Variants in DNAJB4 observed in about 807,000 individuals in gnomAD.
DNAJB4 encodes dnaJ homolog subfamily B member 4.
A neutral mutation model predicts 26.6 loss-of-function variants in DNAJB4; 10 were observed. The ratio of observed to expected loss-of-function variants is 0.38; its 90% CI spans 0.23 to 0.64. The LOEUF (loss-of-function observed/expected upper bound fraction) is 0.64. Among genes scored for constraint, DNAJB4 ranks in the 30% least tolerant of loss-of-function variants. The probability of loss-of-function intolerance (pLI) is 0.58; values close to 1 mark genes in which losing one functional copy is unlikely to be tolerated. For missense variants in DNAJB4, 328 were observed against 408.2 expected (o/e 0.80, Z 1.69); for synonymous variants, 136 against 134.8 (o/e 1.01, Z -0.06).
intron 1 of DNAJB4, among the ~76,000 whole-genome samples, chr1:77,980,871 AT>A (rs1177002778): frequency 6.6e-6 from 1 of 152,148 alleles, no homozygotes; most frequent in African/African-American, 2.4e-5. Context: ...ATCCCTATAA[AT>A]TTTGGTGGAA....
Position 78,016,559 on chromosome 1 carries a change from A to G in DNAJB4, c.*312A>G, listed in dbSNP as rs528446908. 4.0e-6 allele frequency: 1 copy of G among 250,126 alleles called. No homozygotes were observed. Among genetic ancestry groups the G allele is most frequent in the East Asian group, 9.3e-5 (1 of 10,806 alleles). 15.5% of individuals were successfully genotyped at this position (250,126 alleles called of 1,614,324 possible). On this transcript the variant is annotated 3_prime_UTR_variant, in exon 3 of 3. Transcript: ENST00000370763. The stretch of plus-strand genomic sequence containing the variant: ...TTCTAATGAAGTGCTAGACTATCCA[A>G]TTACTTAATTTCTTATACCTTTAGA...
intron 2 of DNAJB4, among the ~76,000 whole-genome samples, chr1:78,014,069 A>G (rs1660568543): frequency 6.6e-6 from 1 of 151,998 alleles, no homozygotes; most frequent in African/African-American, 2.4e-5. Flanking sequence ...ATACATTTAT[A>G]AATTATAATG....
At chr1:77,984,061 A>G (rs2102585659) in intron 1 of DNAJB4, among the ~76,000 whole-genome samples, 1 of 152,332 alleles carries the variant, frequency 6.6e-6, no homozygotes, top group South Asian at 2.1e-4. Flanking sequence ...GTGTTCCTAC[A>G]TAAGCAAACT....
chr1:78,006,527 T>G (rs941350150), intron 1 of DNAJB4, among the ~76,000 whole-genome samples: 1 of 152,228 alleles, frequency 6.6e-6, no homozygotes, highest in Non-Finnish European at 1.5e-5. Flanking sequence ...TTATTTTGAA[T>G]GAAACAAATT....
intron 1 of DNAJB4, among the ~76,000 whole-genome samples, chr1:77,983,693 G>A (rs1659724582): frequency 6.6e-6 from 1 of 152,196 alleles, no homozygotes; most frequent in African/African-American, 2.4e-5. Context: ...GTTTCAGAGA[G>A]CACAGGGTTG....
In DNAJB4 at chr1:78,005,220, A is replaced by G; in HGVS notation, c.110A>G (p.Lys37Arg). The G allele has an allele frequency of 1.9e-6, 3 of 1,614,098 alleles. No individual in the cohort carries two copies. Among genetic ancestry groups the G allele is most frequent in the Non-Finnish European group, 2.5e-6 (3 of 1,179,952 alleles). ...CTCAAATTTCATCCGGACAAGAACAAATCTCCTCAGGCAGAGGAAAAATTT... is the reference window on the plus strand; with the variant it reads ...CTCAAATTTCATCCGGACAAGAACAGATCTCCTCAGGCAGAGGAAAAATTT... ...QALKFHPDKN[K>R]SPQAEEKFKE... The change falls in exon 1 of 3, where the codon AAA (lysine) becomes AGA (arginine). Residue 37 changes from lysine (K) to arginine (R), a missense_variant. By Grantham distance (26) the Lys-to-Arg change is conservative. Coordinates refer to ENST00000370763, the MANE Select transcript of DNAJB4 (RefSeq NM_007034.5).
chr1:78,003,765 C>A (rs1660248803), upstream of DNAJB4, among the ~76,000 whole-genome samples: 1 of 151,992 alleles, frequency 6.6e-6, no homozygotes, highest in African/African-American at 2.4e-5. Context: ...GTTATACTTT[C>A]AAAAGCAGGC....
intron 1 of DNAJB4, among the ~76,000 whole-genome samples, chr1:77,993,199 G>T (rs960597505): frequency 2.0e-5 from 3 of 152,148 alleles, no homozygotes; most frequent in African/African-American, 7.2e-5. Flanking sequence ...ACTATTTTAG[G>T]CCTTGTGGGC....
At chr1:77,990,892 T>C (rs1659915833) in intron 1 of DNAJB4, among the ~76,000 whole-genome samples, 1 of 152,222 alleles carries the variant, frequency 6.6e-6, no homozygotes, top group African/African-American at 2.4e-5. Flanking sequence ...AAAAGTTTAT[T>C]GAACAGCAAT....
chr1:77,996,292 T>G (rs1660059552), intron 1 of DNAJB4, among the ~76,000 whole-genome samples: 1 of 152,144 alleles, frequency 6.6e-6, no homozygotes, highest in South Asian at 2.1e-4. Flanking sequence ...TAGCTGGGAC[T>G]ACAGGCACAT....
chr1:78,002,078 A>G (rs981306740), upstream of DNAJB4, among the ~76,000 whole-genome samples: 1 of 152,230 alleles, frequency 6.6e-6, no homozygotes, highest in South Asian at 2.1e-4. Flanking sequence ...TTTATGTGAT[A>G]TCTAAATATT....
At chr1:78,009,364 G>C (rs1039781335) in intron 1 of DNAJB4, among the ~76,000 whole-genome samples, 5 of 152,112 alleles carry the variant, frequency 3.3e-5, no homozygotes, top group Non-Finnish European at 2.9e-5. Context: ...TAATTAGTGG[G>C]AATCATTGTT....
At chr1:77,987,918 A>G (rs1464504147) in intron 1 of DNAJB4, among the ~76,000 whole-genome samples, 2 of 148,142 alleles carry the variant, frequency 1.4e-5, no homozygotes, top group African/African-American at 4.9e-5. Context: ...TATATTTTAT[A>G]TATGTACATA....
At chr1:77,999,430 G>GT (rs35421680) in intron 1 of DNAJB4, among the ~76,000 whole-genome samples, 36,390 of 145,060 alleles carry the variant, frequency 0.25, 5,531 homozygotes, top group Non-Finnish European at 0.36. Flanking sequence ...CATAGAACAG[G>GT]TTTTTTTTTT....
At chr1:77,998,770 C>A (rs1049403448) in intron 1 of DNAJB4, among the ~76,000 whole-genome samples, 10 of 151,778 alleles carry the variant, frequency 6.6e-5, no homozygotes, top group African/African-American at 2.4e-4. Context: ...CTCAGGAGGT[C>A]GAGGCTGCAG....
Position 78,016,343 on chromosome 1 carries a change from T to C in DNAJB4, c.*96T>C. 1.9e-6 allele frequency: 2 copies of C among 1,068,922 alleles called. No individual in the cohort carries two copies. Among genetic ancestry groups the C allele is most frequent in the South Asian group, 3.3e-5 (2 of 61,058 alleles). 66.2% of individuals were successfully genotyped at this position (1,068,922 alleles called of 1,614,324 possible). On this transcript the variant is annotated 3_prime_UTR_variant, in exon 3 of 3. Coordinates refer to ENST00000370763, the MANE Select transcript of DNAJB4 (RefSeq NM_007034.5). ...TAGATGTGAATTCTGTATAAAGATG[T>C]GTAAATTCTTTTGAGGGTTCATTAA...
chr1:77,979,878 GTT>G (rs111247352), upstream of DNAJB4, among the ~76,000 whole-genome samples: 2 of 149,552 alleles, frequency 1.3e-5, no homozygotes, highest in African/African-American at 5.0e-5. Flanking sequence ...TTTATTAAGG[GTT>G]TTTTTTTGTT....
intron 1 of DNAJB4, among the ~76,000 whole-genome samples, chr1:77,997,972 G>T (rs962620612): frequency 6.6e-6 from 1 of 152,004 alleles, no homozygotes; most frequent in Non-Finnish European, 1.5e-5. Flanking sequence ...TTTTCACGGG[G>T]TTTTACCGTG....
intron 1 of DNAJB4, among the ~76,000 whole-genome samples, chr1:77,980,628 C>A (rs1431827281): frequency 7.9e-5 from 12 of 151,852 alleles, no homozygotes; most frequent in Admixed American, 7.9e-4. Flanking sequence ...TTTTGTCTTA[C>A]TTGGTTAGGT....
Sources: allele counts gnomAD v4.1 joint callset (sites outside exome capture counted in the v4.1 genomes callset), GRCh38; gene constraint gnomAD v4.1.1; transcripts MANE v1.5; gene names NCBI Gene and HGNC (gene_info 2026-07-23, HGNC 2026-07-21).